The following LUC7L variants were observed in gnomAD, a reference collection of about 807,000 sequenced individuals.
The protein encoded by LUC7L is LUC7 like.
Under a neutral mutation model 51.1 loss-of-function variants are expected in LUC7L, and 29 were observed. The ratio of observed to expected loss-of-function variants is 0.57; its 90% confidence interval spans 0.42 to 0.77. LUC7L has a LOEUF of 0.77. Among genes scored for constraint, LUC7L ranks in the 30% least tolerant of loss-of-function variants. The pLI is 0.00. For missense variants in LUC7L, 403 were observed against 511.9 expected (o/e 0.79, Z 2.05); for synonymous variants, 181 against 180.7 (o/e 1.00, Z -0.01).
chr16:222,999 T>G (rs1183940528), intron 2 of LUC7L, among the ~76,000 whole-genome samples: 1 of 146,490 alleles, frequency 6.8e-6, no homozygotes, highest in South Asian at 2.2e-4. Flanking sequence ...CTTTAATCCA[T>G]CTTGAGGGGG....
intron 3 of LUC7L, among the ~76,000 whole-genome samples, chr16:212,581 C>G (rs1226859173): frequency 6.6e-6 from 1 of 152,104 alleles, no homozygotes; most frequent in African/African-American, 2.4e-5. Context: ...AACTGTAAGA[C>G]AGGAAAACTA....
At chr16:201,171 A>AG (rs11400552) in intron 5 of LUC7L, among the ~76,000 whole-genome samples, 766 of 9,154 alleles carry the variant, frequency 0.084, 12 homozygotes, top group African/African-American at 0.32. Flanking sequence ...TCTGTCTGAG[A>AG]AAAAAAAAAA....
Position 229,086 on chromosome 16 carries a change from C to G in LUC7L, c.61+193G>C, listed in dbSNP as rs550337104. 7 of 1,412,596 alleles carry G rather than the reference C, an allele frequency of 5.0e-6. No homozygotes were observed. In the African/African-American group the frequency reaches 7.4e-5, roughly 15 times the overall value. 87.5% of individuals were successfully genotyped at this position (1,412,596 alleles called of 1,614,324 possible). Reference sequence around the variant, plus strand: ...GCAGACTCCGAGAGAGGAGCCCGACCTGGACCCACGGCCGCCTCAGAGACG... The same window carrying G: ...GCAGACTCCGAGAGAGGAGCCCGACGTGGACCCACGGCCGCCTCAGAGACG... On this transcript the variant is annotated intron_variant, in intron 1 of 9. Coordinates refer to ENST00000293872, the MANE Select transcript of LUC7L (RefSeq NM_201412.3).
intron 6 of LUC7L, among the ~76,000 whole-genome samples, chr16:196,527 A>T (rs1596604333): frequency 1.8e-5 from 1 of 54,656 alleles, no homozygotes; most frequent in Admixed American, 2.0e-4. Context: ...AGTGGCTAAC[A>T]AACAATTTTT....
At chr16:190,765 A>C in intron 7 of LUC7L, 195 bp from the exon 8 acceptor site, 2 of 588,576 alleles carry the variant, frequency 3.4e-6, no homozygotes, top group Non-Finnish European at 6.1e-6. Flanking sequence ...CTGTAATCCC[A>C]GCTACTCAGG....
intron 7 of LUC7L, chr16:190,784 G>A: frequency 1.8e-6 from 1 of 552,496 alleles, no homozygotes; most frequent in Non-Finnish European, 3.2e-6. Context: ...GGAGACTGAG[G>A]CAGGAAAATC....
At position 189,113 on chromosome 16, in the gene LUC7L, G is replaced by T; in HGVS notation, c.*85C>A. On this transcript the variant is annotated 3_prime_UTR_variant, in exon 10 of 10. Coordinates refer to ENST00000293872, the MANE Select transcript of LUC7L (RefSeq NM_201412.3). ...ACAATAGAAATTTTAAACTACAAAA[G>T]ATGAGTTGTATTCAGCAAATATAAA... 1 of 1,386,020 alleles carries T rather than the reference G, an allele frequency of 7.2e-7. No individual in the cohort carries two copies. The highest frequency in any genetic ancestry group is 9.9e-7 in the Non-Finnish European group (1 of 1,011,864). The allele number at this position is 1,386,020 out of a possible 1,614,324, so 85.9% of individuals were successfully genotyped here.
chr16:189,839 G>C (rs1043928921), intron 9 of LUC7L, 129 bp downstream of exon 9: 1 of 1,462,254 alleles, frequency 6.8e-7, no homozygotes, highest in African/African-American at 1.4e-5. Context: ...TCCCGTTCAC[G>C]ACTCCCCAGC....
In LUC7L at chr16:190,581, GA is replaced by G. The variant is rs781038752; in HGVS notation, c.777-12del. The G allele has an allele frequency of 6.2e-7, 1 of 1,612,280 alleles. No homozygotes were observed. Among genetic ancestry groups the G allele is most frequent in the South Asian group, 1.1e-5 (1 of 90,982 alleles). ...GTTCTTGATCCCGACCTAAAAGGGG[GA>G]AAAAAAGATGAACAAGGCCAGGCAT... On this transcript the variant is annotated splice_polypyrimidine_tract_variant and intron_variant, in intron 7 of 9. Transcript: ENST00000293872.
intron 7 of LUC7L, among the ~76,000 whole-genome samples, chr16:191,554 AAAC>A (rs1252668440): frequency 6.6e-6 from 1 of 152,170 alleles, no homozygotes; most frequent in African/African-American, 2.4e-5. Flanking sequence ...CCTGCTGGTA[AAAC>A]AACAAACGGC....
intron 1 of LUC7L, chr16:229,052 A>T: frequency 7.0e-7 from 1 of 1,419,722 alleles, no homozygotes; most frequent in Non-Finnish European, 9.2e-7. Flanking sequence ...CTGAAGCCCC[A>T]TCCATGGCGC....
At position 206,037 on chromosome 16, in the gene LUC7L, C is replaced by G; in HGVS notation, c.477G>C (p.Val159=). 6.2e-7 allele frequency: 1 copy of G among 1,613,148 alleles called. No homozygotes were observed. Among genetic ancestry groups the G allele is most frequent in the East Asian group, 2.2e-5 (1 of 44,878 alleles). ...VDESQKILME[V]EKVRAKKKEA... ...CTTTTTTCTTCGCACGAACTTTTTC[C>G]ACTTCCATAAGAATCTTCTGGGATT... The change falls in exon 5 of 10, where the codon GTG becomes GTC. Residue 159 remains valine (V), a synonymous_variant. Coordinates refer to ENST00000293872, the MANE Select transcript of LUC7L (RefSeq NM_201412.3).
chr16:225,055 C>T (rs1455066238), intron 2 of LUC7L, among the ~76,000 whole-genome samples: 2 of 152,240 alleles, frequency 1.3e-5, no homozygotes, highest in African/African-American at 4.8e-5. Flanking sequence ...TTCATTAAGT[C>T]CTTCCACAAT....
At chr16:206,672 A>T (rs1190117257) in intron 4 of LUC7L, among the ~76,000 whole-genome samples, 2 of 151,956 alleles carry the variant, frequency 1.3e-5, no homozygotes, top group African/African-American at 4.8e-5. Flanking sequence ...ATATAAATCT[A>T]CCTCCTTTTC....
intron 2 of LUC7L, among the ~76,000 whole-genome samples, chr16:224,259 C>A (rs573447376): frequency 8.6e-4 from 130 of 152,024 alleles, no homozygotes; most frequent in Non-Finnish European, 1.4e-3. Context: ...TGGCTCATGC[C>A]TATAATCCCA....
At chr16:191,835 C>A (rs1371909956) in intron 7 of LUC7L, among the ~76,000 whole-genome samples, 1 of 152,122 alleles carries the variant, frequency 6.6e-6, no homozygotes, top group Non-Finnish European at 1.5e-5. Flanking sequence ...CAGAGCGAGA[C>A]CCTGTCTCAA....
At chr16:198,869 G>A (rs546428141) in intron 6 of LUC7L, among the ~76,000 whole-genome samples, 193 bp downstream of exon 6, 11 of 152,024 alleles carry the variant, frequency 7.2e-5, no homozygotes, top group Admixed American at 2.0e-4. Flanking sequence ...CGGTAGAGAC[G>A]GGGTTTCACC....
chr16:196,835 A>G (rs561573081), intron 6 of LUC7L, among the ~76,000 whole-genome samples: 67 of 151,286 alleles, frequency 4.4e-4, no homozygotes, highest in African/African-American at 1.6e-3. Context: ...CCAAAAGCAA[A>G]TTTTTAATAG....
chr16:228,325 T>C, intron 1 of LUC7L: 2 of 1,304,230 alleles, frequency 1.5e-6, no homozygotes, highest in South Asian at 1.2e-5. Context: ...AAATTGGTTG[T>C]GACTCACGGC....
Sources: allele counts gnomAD v4.1 joint callset (sites outside exome capture counted in the v4.1 genomes callset), GRCh38; gene constraint gnomAD v4.1.1; transcripts MANE v1.5; gene names NCBI Gene and HGNC (gene_info 2026-07-23, HGNC 2026-07-21).